CACNA1S: variants seen among roughly 807,000 people sequenced by gnomAD.
The protein encoded by CACNA1S is calcium voltage-gated channel subunit alpha1 S, also known as voltage-dependent L-type calcium channel subunit alpha-1S.
In CACNA1S, 126 loss-of-function variants were observed where a neutral mutation model predicts 207.4. That is an observed-to-expected ratio of 0.61 (90% CI 0.53 to 0.70). CACNA1S has a LOEUF of 0.70. CACNA1S is among the 30% of genes least tolerant of loss of function. The probability of loss-of-function intolerance (pLI) is 0.00; values close to 1 mark genes in which losing one functional copy is unlikely to be tolerated. For missense variants in CACNA1S, 2,349 were observed against 2,422.8 expected, an observed-to-expected ratio of 0.97 and a Z score of 0.64; for synonymous variants, 960 against 932.7, an observed-to-expected ratio of 1.03 and a Z score of -0.53.
chr1:201,040,362 C>T lies in CACNA1S; in HGVS notation c.5239G>A (p.Glu1747Lys). 6.2e-7 allele frequency: 1 copy of T among 1,613,470 alleles called. No individual in the cohort carries two copies. Among genetic ancestry groups the T allele is most frequent in the Non-Finnish European group, 8.5e-7 (1 of 1,179,934 alleles). Reference protein sequence around the residue: ...PPAPCQCPRVESSMPEDRKSS... With the variant: ...PPAPCQCPRVKSSMPEDRKSS... Reference sequence around the variant, plus strand: ...TTTCTGTCCTCAGGCATGGAGGACTCCACCCTGGGGCACTGTTCCAAAGGT... The same window carrying T: ...TTTCTGTCCTCAGGCATGGAGGACTTCACCCTGGGGCACTGTTCCAAAGGT... Residue 1747 changes from glutamate to lysine, a missense_variant, in exon 43 of 44, where the codon GAG (glutamate) becomes AAG (lysine). Glu to Lys is a moderately conservative substitution (Grantham distance 56). Transcript: ENST00000362061.
rs183440052 is a variant in CACNA1S at position 201,043,334 on chromosome 1, G to A, written c.4995C>T (p.Asn1665=). Residue 1665 remains asparagine (N), a synonymous_variant, in exon 40 of 44, where the codon AAC becomes AAT. Transcript: ENST00000362061. ...PLARANTNNA[N]ANVAYGNSNH... is the part of the protein sequence containing the mutation. ...TGCTGTTGCCATAGGCGACATTGGC[G>A]TTGGCATTGTTGGTATTGGCACGAG... The A allele has an allele frequency of 4.1e-5, 66 of 1,614,210 alleles. No homozygotes were observed. Among genetic ancestry groups the A allele is most frequent in the African/African-American group, 2.3e-4 (17 of 75,056 alleles).
chr1:201,078,609 T>C lies in CACNA1S; in HGVS notation c.1394-505A>G, dbSNP rs74136304. Among the ~76,000 whole-genome samples the C allele has an allele frequency of 1.3e-3, 198 of 151,986 alleles. 1 individual carries two copies. Among genetic ancestry groups the C allele is most frequent in the African/African-American group, 4.1e-3 (171 of 41,452 alleles). ...CATATTTAACAGGAAGAGGATTTTA[T>C]TACTCTTAATTCTACTGAAGTTCAT... On this transcript the variant is annotated intron_variant, in intron 10 of 43. Coordinates refer to ENST00000362061, the MANE Select transcript of CACNA1S (RefSeq NM_000069.3).
Position 201,085,500 on chromosome 1 carries a change from G to T in CACNA1S, c.1086C>A (p.Asp362Glu). 1 of 1,613,354 alleles carries T rather than the reference G, an allele frequency of 6.2e-7. No homozygotes were observed. Among genetic ancestry groups the T allele is most frequent in the African/African-American group, 1.3e-5 (1 of 74,710 alleles). The part of the protein sequence containing the change: ...KLREKQQLDE[D>E]LRGYMSWITQ... ...TGATCCAGCTCATGTAGCCCCGAAG[G>T]TCCTCATCTAGTTGCTGCTTCTCCC... Residue 362 changes from aspartate to glutamate, a missense_variant, in exon 8 of 44, where the codon GAC (aspartate) becomes GAA (glutamate). Transcript: ENST00000362061.
At position 201,074,577 on chromosome 1, in the gene CACNA1S, C is replaced by T; in HGVS notation, c.1992G>A (p.Leu664=). ...CAGAAGTCAGGCTCTCCGCCTCGGC[C>T]AGGTTGTCCACGGCAATGGCCAGGA... ...NVFLAIAVDN[L]AEAESLTSAQ... The change falls in exon 14 of 44, where the codon CTG becomes CTA. Residue 664 remains leucine, a synonymous_variant. Coordinates refer to ENST00000362061, the MANE Select transcript of CACNA1S (RefSeq NM_000069.3). 6.2e-7 allele frequency: 1 copy of T among 1,614,044 alleles called. No individual in the cohort carries two copies. The highest frequency in any genetic ancestry group is 2.2e-5 in the East Asian group (1 of 44,886).
At position 201,061,365 on chromosome 1, in the gene CACNA1S, C is replaced by T. The variant is rs1558062351; in HGVS notation, c.3157G>A (p.Ala1053Thr). The T allele has an allele frequency of 7.4e-6, 12 of 1,614,192 alleles. No homozygotes were observed. Among genetic ancestry groups the T allele is most frequent in the Non-Finnish European group, 1.0e-5 (12 of 1,180,024 alleles). ...ACAAAGATGTTCATCATGAAGAAGGCAATGAGGATGATGTAGATGATGAAG... is the reference window on the plus strand; with the variant it reads ...ACAAAGATGTTCATCATGAAGAAGGTAATGAGGATGATGTAGATGATGAAG... ...IFFIIYIILI[A>T]FFMMNIFVGF... The change falls in exon 25 of 44, where the codon GCC (alanine) becomes ACC (threonine). Residue 1053 changes from alanine to threonine, a missense_variant. Coordinates refer to ENST00000362061, the MANE Select transcript of CACNA1S (RefSeq NM_000069.3).
At chr1:201,058,299 C>A (rs1436955778) in intron 28 of CACNA1S, 109 bp downstream of exon 28, 3 of 927,056 alleles carry the variant, frequency 3.2e-6, no homozygotes, top group African/African-American at 1.6e-5. Flanking sequence ...ATCTTTTTAA[C>A]CCCTGGGGTT....
At position 201,047,255 on chromosome 1, in the gene CACNA1S, CA is replaced by C; in HGVS notation, c.4544-17del. ...ACCTCATCATCTGCAGAGGAGCCAA[CA>C]AGAGATGCCCTGAAGGCTAGTGGGA... On this transcript the variant is annotated splice_polypyrimidine_tract_variant and intron_variant, in intron 37 of 43. Transcript: ENST00000362061. 1 of 1,614,204 alleles carries C rather than the reference CA, an allele frequency of 6.2e-7. No homozygotes were observed. Among genetic ancestry groups the C allele is most frequent in the Non-Finnish European group, 8.5e-7 (1 of 1,180,026 alleles).
At chr1:201,111,920 C>T (rs1663118636) in intron 1 of CACNA1S, among the ~76,000 whole-genome samples, 1 of 135,060 alleles carries the variant, frequency 7.4e-6, no homozygotes, top group Admixed American at 7.2e-5. Context: ...TCTTCCTCTT[C>T]CTCCTCCTCC....
At chr1:201,054,646 G>T in intron 28 of CACNA1S, 85 bp from the exon 29 acceptor site, 1 of 928,754 alleles carries the variant, frequency 1.1e-6, no homozygotes, top group Non-Finnish European at 1.6e-6. Flanking sequence ...AGACGTGTCA[G>T]AAAGGACAGA....
intron 26 of CACNA1S, among the ~76,000 whole-genome samples, chr1:201,059,786 AC>A (rs556624827): frequency 4.6e-5 from 7 of 151,848 alleles, no homozygotes; most frequent in Non-Finnish European, 1.0e-4. Context: ...TCTGCACACC[AC>A]CCCCAGTGAT....
At chr1:201,089,663 G>A (rs1383058004) in intron 5 of CACNA1S, among the ~76,000 whole-genome samples, 200 bp from the exon 6 acceptor site, 3 of 152,356 alleles carry the variant, frequency 2.0e-5, no homozygotes, top group South Asian at 2.1e-4. Flanking sequence ...TACAGGCAGC[G>A]GGAATTATGT....
At chr1:201,104,064 C>A (rs1317422516) in intron 2 of CACNA1S, among the ~76,000 whole-genome samples, 2 of 152,234 alleles carry the variant, frequency 1.3e-5, no homozygotes, top group African/African-American at 4.8e-5. Flanking sequence ...TTATCCAGAA[C>A]TTGGAAATAA....
intron 2 of CACNA1S, among the ~76,000 whole-genome samples, chr1:201,104,546 C>T (rs1662803306): frequency 1.3e-5 from 2 of 152,238 alleles, no homozygotes; most frequent in Admixed American, 1.3e-4. Context: ...ATCATTCTCT[C>T]TCCGGTGTCA....
In CACNA1S at chr1:201,078,059, A is replaced by T. The variant is rs2102144367; in HGVS notation, c.1439T>A (p.Leu480Gln). Residue 480 changes from leucine to glutamine, a missense_variant, in exon 11 of 44, where the codon CTG (leucine) becomes CAG (glutamine). Coordinates refer to ENST00000362061, the MANE Select transcript of CACNA1S (RefSeq NM_000069.3). ...VLLSLFTTEMLMKMYGLGLRQ... is the reference protein window; with the variant it reads ...VLLSLFTTEMQMKMYGLGLRQ... ...CAGGCCCAGCCCGTACATCTTCATC[A>T]GCATCTCAGTGGTGAAGAGGGACAG... The T allele has an allele frequency of 2.5e-6, 4 of 1,614,252 alleles. No homozygotes were observed. The highest frequency in any genetic ancestry group is 3.4e-6 in the Non-Finnish European group (4 of 1,180,052).
Position 201,061,421 on chromosome 1 carries a change from A to G in CACNA1S, c.3101T>C (p.Ile1034Thr). 1 of 1,614,244 alleles carries G rather than the reference A, an allele frequency of 6.2e-7. No homozygotes were observed. Among genetic ancestry groups the G allele is most frequent in the Non-Finnish European group, 8.5e-7 (1 of 1,180,038 alleles). ...GGCCATCTCCACACGGTTGTTGTAG[A>G]TGGGACCCACGTCCTCCGCATTGGA... ...IDSNAEDVGP[I>T]YNNRVEMAIF... The change falls in exon 25 of 44, where the codon ATC becomes ACC. Residue 1034 changes from isoleucine (I) to threonine (T), a missense_variant. Coordinates refer to ENST00000362061, the MANE Select transcript of CACNA1S (RefSeq NM_000069.3).
At chr1:201,079,244 C>A (rs75014669) in intron 10 of CACNA1S, among the ~76,000 whole-genome samples, 2 of 151,942 alleles carry the variant, frequency 1.3e-5, no homozygotes, top group African/African-American at 2.4e-5. Flanking sequence ...CACTTCTTCA[C>A]CCCCTGCCCT....
chr1:201,086,176 T>G (rs1357810241), intron 7 of CACNA1S, among the ~76,000 whole-genome samples: 1 of 152,158 alleles, frequency 6.6e-6, no homozygotes, highest in Non-Finnish European at 1.5e-5. Context: ...GAGCTGCGCC[T>G]GGCAGCCAGG....
At chr1:201,067,516 A>G (rs536516234) in intron 19 of CACNA1S, among the ~76,000 whole-genome samples, 29 of 152,278 alleles carry the variant, frequency 1.9e-4, no homozygotes, top group African/African-American at 6.3e-4. Context: ...CTTTGCACAA[A>G]TGCATTTTGC....
rs528497738 is a variant in CACNA1S at position 201,040,143 on chromosome 1, C to T, written c.5371-61G>A. The T allele has an allele frequency of 3.7e-6, 6 of 1,611,870 alleles. No individual in the cohort carries two copies. In the East Asian group the frequency reaches 1.1e-4, roughly 30 times the overall value. On this transcript the variant is annotated intron_variant, in intron 43 of 43. Transcript: ENST00000362061. ...TGGGGAGCCACATTTGGGGACCTGC[C>T]TCTGTTGGCCCTACCCTCTCTCCAC... is the stretch of plus-strand genomic sequence containing the variant.
Sources: allele counts gnomAD v4.1 joint callset (sites outside exome capture counted in the v4.1 genomes callset), GRCh38; gene constraint gnomAD v4.1.1; transcripts MANE v1.5; gene names NCBI Gene and HGNC (gene_info 2026-07-23, HGNC 2026-07-21).